The following DLGAP2 variants were observed in gnomAD, a reference collection of about 807,000 sequenced individuals.
DLGAP2 encodes disks large-associated protein 2.
Under a neutral mutation model 100.3 loss-of-function variants are expected in DLGAP2, and 26 were observed. The ratio of observed to expected loss-of-function variants is 0.26; its 90% CI spans 0.19 to 0.36. The LOEUF is 0.36. DLGAP2 is among the 10% of genes least tolerant of loss of function. The pLI, the probability that DLGAP2 is intolerant of heterozygous loss-of-function variation, is 1.00. For synonymous variants in DLGAP2, 886 were observed against 630.1 expected (o/e 1.41, Z -6.08); for missense variants, 1,858 against 1,453.2 (o/e 1.28, Z -4.53).
rs140141862 is a variant in DLGAP2, at chr8:1,600,317, T to C, written c.1443-26423T>C. The stretch of plus-strand genomic sequence containing the variant: ...GCTGCCCTTATCATTTTTTCCTTCA[T>C]TTCAACCTTGGTGAATCCGACGATT... On this transcript the variant is annotated intron_variant, in intron 6 of 14. Transcript: ENST00000637795. Among the ~76,000 whole-genome samples the C allele has an allele frequency of 4.1e-3, 626 of 152,326 alleles. 8 individuals carry two copies. The highest frequency in any genetic ancestry group is 0.014 in the African/African-American group (598 of 41,570).
intron 2 of DLGAP2, among the ~76,000 whole-genome samples, chr8:973,566 G>A (rs1175681189): frequency 6.6e-6 from 1 of 152,244 alleles, no homozygotes; most frequent in Non-Finnish European, 1.5e-5. Flanking sequence ...GGTGGCAGCT[G>A]GGCAGAGGCT....
intron 4 of DLGAP2, among the ~76,000 whole-genome samples, chr8:1,530,926 A>G (rs1365254882): frequency 6.6e-6 from 1 of 152,242 alleles, no homozygotes; most frequent in Non-Finnish European, 1.5e-5. Flanking sequence ...CTGGTCTATC[A>G]GGAATTCAGT....
chr8:1,507,737 G>C (rs1353151017), intron 4 of DLGAP2, among the ~76,000 whole-genome samples: 1 of 140,710 alleles, frequency 7.1e-6, no homozygotes, highest in South Asian at 2.1e-4. Flanking sequence ...CCAGGCATTC[G>C]TTCACCCAGG....
chr8:1,017,642 A>ACGG (rs1179755796), intron 2 of DLGAP2, among the ~76,000 whole-genome samples: 4 of 144,926 alleles, frequency 2.8e-5, no homozygotes, highest in African/African-American at 9.8e-5. Context: ...ACCGGGACAG[A>ACGG]TGACACCTCC....
At chr8:1,640,915 G>C (rs1280043100) in intron 8 of DLGAP2, among the ~76,000 whole-genome samples, 2 of 152,132 alleles carry the variant, frequency 1.3e-5, no homozygotes, top group Non-Finnish European at 2.9e-5. Flanking sequence ...TATCCGTTGT[G>C]CGCTAAGCCT....
intron 2 of DLGAP2, among the ~76,000 whole-genome samples, chr8:1,021,241 G>T (rs116415828): frequency 6.6e-6 from 1 of 152,138 alleles, no homozygotes; most frequent in Non-Finnish European, 1.5e-5. Flanking sequence ...AGGATGGAAC[G>T]CATAGATTTG....
intron 3 of DLGAP2, among the ~76,000 whole-genome samples, chr8:1,264,298 G>A (rs184757210): frequency 4.8e-4 from 73 of 152,146 alleles, no homozygotes; most frequent in Admixed American, 8.5e-4. Flanking sequence ...CTGGGGTTGC[G>A]GTCTGTGCCC....
chr8:1,342,314 T>C (rs772717367), intron 3 of DLGAP2, among the ~76,000 whole-genome samples: 1 of 152,160 alleles, frequency 6.6e-6, no homozygotes, highest in African/African-American at 2.4e-5. Flanking sequence ...ACCTCACATA[T>C]TATTTCCAGC....
chr8:864,288 G>A (rs1325786019), intron 1 of DLGAP2, among the ~76,000 whole-genome samples: 2 of 152,134 alleles, frequency 1.3e-5, no homozygotes, highest in African/African-American at 4.8e-5. Context: ...GGTGACTACA[G>A]GTGAGAATAT....
At chr8:907,125 C>A (rs1175626150) in intron 1 of DLGAP2, among the ~76,000 whole-genome samples, 1 of 152,176 alleles carries the variant, frequency 6.6e-6, no homozygotes, top group Non-Finnish European at 1.5e-5. Context: ...ACCCTCTCTC[C>A]TGGGTAAATT....
At chr8:1,629,898 AG>A (rs1797600816) in intron 7 of DLGAP2, among the ~76,000 whole-genome samples, 2 of 152,174 alleles carry the variant, frequency 1.3e-5, no homozygotes, top group African/African-American at 4.8e-5. Context: ...TAAATATACT[AG>A]TTCTCTCGTC....
intron 2 of DLGAP2, among the ~76,000 whole-genome samples, chr8:1,127,194 G>A (rs765818192): frequency 3.3e-5 from 5 of 151,252 alleles, no homozygotes; most frequent in Non-Finnish European, 5.9e-5. Context: ...TTCTGCTTGT[G>A]TTCCTGGAGC....
chr8:971,064 C>G (rs1360109829), intron 2 of DLGAP2, among the ~76,000 whole-genome samples: 2 of 152,130 alleles, frequency 1.3e-5, no homozygotes, highest in South Asian at 2.1e-4. Flanking sequence ...ACTTGAAAAC[C>G]TGGGAGTATG....
At chr8:1,571,308 G>C (rs1802664238) in intron 6 of DLGAP2, among the ~76,000 whole-genome samples, 1 of 143,338 alleles carries the variant, frequency 7.0e-6, no homozygotes, top group Non-Finnish European at 1.5e-5. Flanking sequence ...GAACTGTGCG[G>C]GCATCTGATG....
chr8:1,083,873 G>A (rs1182139229), intron 2 of DLGAP2, among the ~76,000 whole-genome samples: 2 of 152,188 alleles, frequency 1.3e-5, no homozygotes, highest in East Asian at 1.9e-4. Flanking sequence ...TGACTCATGT[G>A]TCTAAGTGGC....
At chr8:1,040,785 T>C (rs1802324263) in intron 2 of DLGAP2, among the ~76,000 whole-genome samples, 1 of 152,052 alleles carries the variant, frequency 6.6e-6, no homozygotes, top group African/African-American at 2.4e-5. Context: ...GCTGTGAAAA[T>C]GCAGATCCAG....
At chr8:1,447,313 C>G (rs910798534) in intron 3 of DLGAP2, among the ~76,000 whole-genome samples, 7 of 152,178 alleles carry the variant, frequency 4.6e-5, no homozygotes, top group African/African-American at 1.4e-4. Context: ...TGAATTTTGT[C>G]AAAGGCCTTT....
At chr8:1,693,872 C>T (rs910541003) in intron 13 of DLGAP2, among the ~76,000 whole-genome samples, 15 of 152,174 alleles carry the variant, frequency 9.9e-5, no homozygotes, top group African/African-American at 3.6e-4. Flanking sequence ...CACCTGTGAA[C>T]GTTCTTGCCT....
intron 3 of DLGAP2, among the ~76,000 whole-genome samples, chr8:1,329,574 G>C (rs1801101581): frequency 1.3e-5 from 2 of 152,206 alleles, no homozygotes; most frequent in Non-Finnish European, 2.9e-5. Context: ...CAATTCGGTA[G>C]ATGCTTACTG....
Sources: gnomAD v4.1 joint callset for allele counts (sites outside exome capture counted in the v4.1 genomes callset) on GRCh38, gnomAD v4.1.1 for gene constraint, MANE v1.5 for transcripts, NCBI Gene and HGNC (gene_info 2026-07-23, HGNC 2026-07-21) for gene names.